FBXL20: variants seen among roughly 807,000 people sequenced by gnomAD.
The protein encoded by FBXL20 is F-box and leucine rich repeat protein 20.
FBXL20 carries 11 observed loss-of-function variants against 64.0 expected under a neutral mutation model. That is an observed-to-expected ratio of 0.17 (90% CI 0.11 to 0.28). FBXL20 has a LOEUF of 0.28. Ranked by LOEUF, FBXL20 falls within the 10% of genes least tolerant of loss-of-function variation. The pLI, the probability that FBXL20 is intolerant of heterozygous loss-of-function variation, is 1.00. For missense variants in FBXL20, 303 were observed against 526.2 expected (o/e 0.58, Z 4.15); for synonymous variants, 184 against 189.0 (o/e 0.97, Z 0.22).
chr17:39,261,629 G>T, intron 14 of FBXL20, 62 bp from the exon 15 acceptor site: 1 of 1,311,426 alleles, frequency 7.6e-7, no homozygotes, highest in Non-Finnish European at 1.1e-6. Flanking sequence ...AGCAATGTTG[G>T]TTCTTAGAAA....
intron 2 of FBXL20, among the ~76,000 whole-genome samples, chr17:39,303,963 A>C (rs2047159455): frequency 6.6e-6 from 1 of 152,152 alleles, no homozygotes; most frequent in Non-Finnish European, 1.5e-5. Flanking sequence ...GGTGTGAACT[A>C]TTGCACCTGG....
At chr17:39,331,225 C>G (rs1402980640) in intron 2 of FBXL20, among the ~76,000 whole-genome samples, 1 of 152,220 alleles carries the variant, frequency 6.6e-6, no homozygotes, top group Non-Finnish European at 1.5e-5. Flanking sequence ...CTCAGCCTCC[C>G]AAGTAGCTGG....
intron 10 of FBXL20, among the ~76,000 whole-genome samples, chr17:39,274,590 C>T (rs1445914706): frequency 6.6e-6 from 1 of 152,126 alleles, no homozygotes; most frequent in Non-Finnish European, 1.5e-5. Flanking sequence ...TATAGTACCC[C>T]CTGCTATGTA....
intron 2 of FBXL20, among the ~76,000 whole-genome samples, chr17:39,331,534 C>T (rs2047461472): frequency 1.3e-5 from 2 of 152,066 alleles, no homozygotes; most frequent in African/African-American, 2.4e-5. Context: ...GCTATAATGC[C>T]CTAGGCAAAA....
At chr17:39,383,593 T>TC (rs2048047477) in intron 1 of FBXL20, among the ~76,000 whole-genome samples, 1 of 148,276 alleles carries the variant, frequency 6.7e-6, no homozygotes, top group East Asian at 2.0e-4. Flanking sequence ...TTATATGCTT[T>TC]TTTTTTTTTT....
In FBXL20 at chr17:39,299,002, T is replaced by C; in HGVS notation, c.317A>G (p.Asp106Gly). The change falls in exon 5 of 15, where the codon GAC becomes GGC. Residue 106 changes from aspartate to glycine, a missense_variant. Around this residue, in one of 3 missense-constraint regions of FBXL20, gnomAD observed 246 missense variants for 422.6 expected, o/e 0.58. Transcript: ENST00000264658. ...GTTATGTTTTTACCTTAATGCATTG[T>C]CTCCCACTCCAAGACATCCACGAAG... ...LSLRGCLGVG[D>G]NALRTFAQNC... 6.2e-7 allele frequency: 1 copy of C among 1,612,994 alleles called. No homozygotes were observed. The highest frequency in any genetic ancestry group is 8.5e-7 in the Non-Finnish European group (1 of 1,179,394).
At chr17:39,349,324 C>CAAAAAAAAA (rs1170336581) in intron 1 of FBXL20, among the ~76,000 whole-genome samples, 1 of 40,518 alleles carries the variant, frequency 2.5e-5, no homozygotes, top group Non-Finnish European at 4.1e-5. Flanking sequence ...GATTCCATCT[C>CAAAAAAAAA]AAAAAAAAAA....
In FBXL20 at chr17:39,254,817, A is replaced by C. The variant is rs931224102; in HGVS notation, c.*6643T>G. The C allele has an allele frequency of 6.5e-6, 1 of 154,422 alleles. No individual in the cohort carries two copies. Among genetic ancestry groups the C allele is most frequent in the African/African-American group, 2.4e-5 (1 of 41,498 alleles). 9.6% of individuals were successfully genotyped at this position (154,422 alleles called of 1,614,324 possible). ...CTTCAAAATAAGACTATAAAACATA[A>C]AACAGAAAGGACTATTGATAGGATT... On this transcript the variant is annotated 3_prime_UTR_variant, in exon 15 of 15. Transcript: ENST00000264658.
At chr17:39,383,408 G>A (rs1364372433) in intron 1 of FBXL20, among the ~76,000 whole-genome samples, 3 of 151,934 alleles carry the variant, frequency 2.0e-5, no homozygotes. Flanking sequence ...ATCAAATGAA[G>A]CCAGAGTTGG....
At chr17:39,293,992 G>T (rs997772529) in intron 6 of FBXL20, among the ~76,000 whole-genome samples, 4 of 151,930 alleles carry the variant, frequency 2.6e-5, no homozygotes, top group African/African-American at 9.7e-5. Flanking sequence ...CAGTCACAAA[G>T]TGAGGATAAT....
At chr17:39,367,080 TCGG>T (rs1338657487) in intron 1 of FBXL20, among the ~76,000 whole-genome samples, 1 of 151,240 alleles carries the variant, frequency 6.6e-6, no homozygotes, top group Non-Finnish European at 1.5e-5. Context: ...AGACGGGGTT[TCGG>T]CGTGTTAGCC....
intron 1 of FBXL20, among the ~76,000 whole-genome samples, chr17:39,369,411 C>A (rs148004691): frequency 1.2e-3 from 189 of 152,070 alleles, no homozygotes; most frequent in African/African-American, 4.5e-3. Flanking sequence ...GCACACACTA[C>A]CAGGCCCAGG....
intron 8 of FBXL20, 112 bp downstream of exon 8, chr17:39,282,617 A>C (rs2046957824): frequency 8.6e-6 from 12 of 1,399,744 alleles, no homozygotes; most frequent in Non-Finnish European, 1.2e-5. Flanking sequence ...TTTTGTCAAT[A>C]ATACACACAA....
chr17:39,335,582 CAAAAAAAAAAA>C (rs36023380), intron 2 of FBXL20, among the ~76,000 whole-genome samples: 8 of 77,354 alleles, frequency 1.0e-4, no homozygotes, highest in African/African-American at 3.4e-4. Flanking sequence ...GACTCCGTCT[CAAAAAAAAAAA>C]AAAAAAAAAA....
intron 1 of FBXL20, among the ~76,000 whole-genome samples, chr17:39,348,792 G>A (rs2047659345): frequency 6.6e-6 from 1 of 152,058 alleles, no homozygotes; most frequent in South Asian, 2.1e-4. Context: ...CTTGACCTCC[G>A]GACTCAATGC....
chr17:39,365,856 G>C (rs547875903), intron 1 of FBXL20, among the ~76,000 whole-genome samples: 1 of 152,100 alleles, frequency 6.6e-6, no homozygotes, highest in Non-Finnish European at 1.5e-5. Flanking sequence ...TGAAAGGAAA[G>C]AAACTAAAAT....
intron 2 of FBXL20, among the ~76,000 whole-genome samples, chr17:39,321,464 CAAA>C (rs71147318): frequency 5.7e-5 from 5 of 88,250 alleles, no homozygotes; most frequent in Non-Finnish European, 9.4e-5. Context: ...GAATCTGTCT[CAAA>C]AAAAAAAAAA....
rs762037420 is a variant in FBXL20 at position 39,343,194 on chromosome 17, T to C, written c.90A>G (p.Lys30=). Residue 30 remains lysine (K), a synonymous_variant, in exon 2 of 15, where the codon AAA becomes AAG. Transcript: ENST00000264658. ...DEAVINKKLP[K]ELLLRIFSFL... is the part of the protein sequence containing the mutation. ...TTCAGACTTACCGTAACAGGAGTTC[T>C]TTGGGAAGTTTTTTATTGATTACAG... is the stretch of plus-strand genomic sequence containing the variant. 1.2e-6 allele frequency: 2 copies of C among 1,603,660 alleles called. No homozygotes were observed. Among genetic ancestry groups the C allele is most frequent in the Non-Finnish European group, 1.7e-6 (2 of 1,176,612 alleles).
chr17:39,261,401 AC>A lies in FBXL20; in HGVS notation c.*58del, dbSNP rs1287801954. 9 of 1,380,588 alleles carry A rather than the reference AC, an allele frequency of 6.5e-6. No homozygotes were observed. The African/African-American group carries it at 1.3e-4, about 20-fold the overall frequency. 85.5% of individuals were successfully genotyped at this position (1,380,588 alleles called of 1,614,324 possible). On this transcript the variant is annotated 3_prime_UTR_variant, in exon 15 of 15. Transcript: ENST00000264658. ...GGGTTGCTTCCACTGGAGAGACTCC[AC>A]GGTAGCTCTAGAAGTGTCATTAAAT...
Sources: allele counts gnomAD v4.1 joint callset (sites outside exome capture counted in the v4.1 genomes callset), GRCh38; gene constraint gnomAD v4.1.1; regional missense constraint gnomAD v4.1.1; transcripts MANE v1.5; gene names NCBI Gene and HGNC (gene_info 2026-07-23, HGNC 2026-07-21).